The following PPP1R2 variants were observed in gnomAD, a reference collection of about 807,000 sequenced individuals.
The protein encoded by PPP1R2 is protein phosphatase inhibitor 2.
In PPP1R2, 16 loss-of-function variants were observed where a neutral mutation model predicts 29.9. The ratio of observed to expected loss-of-function variants is 0.53; its 90% confidence interval spans 0.36 to 0.81. The LOEUF is 0.81. Among genes scored for constraint, PPP1R2 ranks in the 30% least tolerant of loss-of-function variants. The pLI, the probability that PPP1R2 is intolerant of heterozygous loss-of-function variation, is 0.00. For synonymous variants in PPP1R2, 76 were observed against 91.5 expected (o/e 0.83, Z 0.96); for missense variants, 197 against 252.7 (o/e 0.78, Z 1.49).
chr3:195,530,315 C>G (rs1377597489), intron 1 of PPP1R2, among the ~76,000 whole-genome samples: 1 of 152,192 alleles, frequency 6.6e-6, no homozygotes, highest in East Asian at 1.9e-4. Flanking sequence ...GGCATAATTT[C>G]TTTCTGGGAT....
intron 1 of PPP1R2, among the ~76,000 whole-genome samples, chr3:195,541,301 C>G (rs981486620): frequency 6.6e-6 from 1 of 152,138 alleles, no homozygotes; most frequent in East Asian, 1.9e-4. Flanking sequence ...GAGTAACTCA[C>G]TTGGTAAATG....
intron 1 of PPP1R2, among the ~76,000 whole-genome samples, chr3:195,536,857 T>G (rs1719409399): frequency 6.8e-6 from 1 of 147,344 alleles, no homozygotes; most frequent in South Asian, 2.1e-4. Context: ...AAAAAAAGAA[T>G]GAGGAAAGAC....
chr3:195,531,192 A>G (rs1719167852), intron 1 of PPP1R2, among the ~76,000 whole-genome samples: 1 of 152,226 alleles, frequency 6.6e-6, no homozygotes, highest in Non-Finnish European at 1.5e-5. Context: ...AAGGTGCTCG[A>G]TAATTAAATG....
At chr3:195,523,948 C>G (rs1368749876) in intron 3 of PPP1R2, among the ~76,000 whole-genome samples, 162 bp from the exon 4 acceptor site, 4 of 152,114 alleles carry the variant, frequency 2.6e-5, no homozygotes, top group African/African-American at 9.7e-5. Context: ...ACGTGCCGGG[C>G]ATGGTGGTAC....
chr3:195,535,421 T>G (rs967228566), intron 1 of PPP1R2, among the ~76,000 whole-genome samples: 5 of 152,342 alleles, frequency 3.3e-5, no homozygotes, highest in African/African-American at 1.2e-4. Flanking sequence ...CTAAGAAAGC[T>G]GTCAAGTCTC....
Position 195,518,616 on chromosome 3 carries a change from A to G in PPP1R2, c.571+402T>C, listed in dbSNP as rs191577795. On this transcript the variant is annotated intron_variant, in intron 5 of 5. Transcript: ENST00000618156. ...CAGTGAGCCGAGATCACGCCACTGC[A>G]CTCCAGCCTGGGTGACAGAGCGAGA... Among the ~76,000 whole-genome samples the G allele has an allele frequency of 5.0e-3, 759 of 151,546 alleles. 5 individuals are homozygous for G. The highest frequency in any genetic ancestry group is 8.2e-3 in the Non-Finnish European group (557 of 67,922).
rs1026107867 is a variant in PPP1R2, at chr3:195,533,605, G to A, written c.123-3704C>T. ...AGAACGCTTGATGAGTACCTTAGAT[G>A]GAGCTCTGCAACTGCGGCTGCCCAT... On this transcript the variant is annotated intron_variant, in intron 1 of 5. Transcript: ENST00000618156. Among the ~76,000 whole-genome samples, 6 of 152,168 alleles carry A rather than the reference G, an allele frequency of 3.9e-5. No individual in the cohort carries two copies. In the East Asian group the frequency reaches 9.6e-4, roughly 24 times the overall value.
chr3:195,525,242 T>C (rs1156423757), intron 2 of PPP1R2, among the ~76,000 whole-genome samples: 1 of 152,200 alleles, frequency 6.6e-6, no homozygotes, highest in East Asian at 1.9e-4. Context: ...TTATCATTAT[T>C]CCCTAAATGA....
intron 1 of PPP1R2, among the ~76,000 whole-genome samples, chr3:195,534,259 G>C (rs1163472764): frequency 6.6e-6 from 1 of 152,144 alleles, no homozygotes; most frequent in African/African-American, 2.4e-5. Context: ...AGGAGGTCAA[G>C]GCTGCAGTGA....
intron 1 of PPP1R2, among the ~76,000 whole-genome samples, chr3:195,530,748 A>G (rs1467518458): frequency 6.7e-6 from 1 of 149,898 alleles, no homozygotes; most frequent in Non-Finnish European, 1.5e-5. Context: ...CTGGTCTTGA[A>G]CTCCTGATCT....
Position 195,514,996 on chromosome 3 carries a change from G to T in PPP1R2, c.*1900C>A. Reference sequence around the variant, plus strand: ...AGTCTTATCCTTTTCTTCACTCTATGACAGCTACTTCTACAAAAAAAAAAA... The same window carrying T: ...AGTCTTATCCTTTTCTTCACTCTATTACAGCTACTTCTACAAAAAAAAAAA... On this transcript the variant is annotated 3_prime_UTR_variant, in exon 6 of 6. Transcript: ENST00000618156. 4.9e-6 allele frequency: 1 copy of T among 204,796 alleles called. No individual in the cohort carries two copies. Among genetic ancestry groups the T allele is most frequent in the Non-Finnish European group, 9.8e-6 (1 of 102,324 alleles). The allele number at this position is 204,796 out of a possible 1,614,324, so 12.7% of individuals were successfully genotyped here.
chr3:195,525,421 C>T (rs1469278926), intron 2 of PPP1R2, among the ~76,000 whole-genome samples: 1 of 152,048 alleles, frequency 6.6e-6, no homozygotes, highest in East Asian at 1.9e-4. Flanking sequence ...GAGGGAGGTC[C>T]TGAAACCTCC....
At chr3:195,536,922 A>G (rs1049332977) in intron 1 of PPP1R2, among the ~76,000 whole-genome samples, 2 of 152,166 alleles carry the variant, frequency 1.3e-5, no homozygotes, top group Admixed American at 6.5e-5. Flanking sequence ...ACATCCTGTA[A>G]ATATTTTTTG....
At chr3:195,520,359 T>G (rs1242477125) in intron 4 of PPP1R2, among the ~76,000 whole-genome samples, 2 of 152,098 alleles carry the variant, frequency 1.3e-5, no homozygotes, top group East Asian at 3.9e-4. Context: ...ATGTCAAAAA[T>G]GCACAGAGGC....
At chr3:195,540,232 G>T (rs141935096) in intron 1 of PPP1R2, among the ~76,000 whole-genome samples, 1 of 152,164 alleles carries the variant, frequency 6.6e-6, no homozygotes, top group Non-Finnish European at 1.5e-5. Flanking sequence ...AGCCGAGGTA[G>T]CATGTTCCCA....
At chr3:195,539,917 AT>A (rs1194875424) in intron 1 of PPP1R2, among the ~76,000 whole-genome samples, 1 of 152,206 alleles carries the variant, frequency 6.6e-6, no homozygotes. Flanking sequence ...CCATATATGA[AT>A]TACAGACATA....
intron 2 of PPP1R2, among the ~76,000 whole-genome samples, chr3:195,526,395 G>A (rs1393333071): frequency 6.6e-6 from 1 of 151,964 alleles, no homozygotes; most frequent in Admixed American, 6.6e-5. Flanking sequence ...ACCATGGCTG[G>A]CCAAATGAAA....
chr3:195,518,934 T>TC, intron 5 of PPP1R2, 84 bp downstream of exon 5: 1 of 1,542,784 alleles, frequency 6.5e-7, no homozygotes, highest in Non-Finnish European at 8.7e-7. Context: ...TTCTGTTTTT[T>TC]CACAAGTTTA....
chr3:195,515,262 T>C lies in PPP1R2; in HGVS notation c.*1634A>G, dbSNP rs1213495979. On this transcript the variant is annotated 3_prime_UTR_variant, in exon 6 of 6. Transcript: ENST00000618156. Reference sequence around the variant, plus strand: ...ACTCACAGTTCAGCAGTACTTTGATTATATATCTCATTCAAAAAATCAAAA... The same window carrying C: ...ACTCACAGTTCAGCAGTACTTTGATCATATATCTCATTCAAAAAATCAAAA... The C allele has an allele frequency of 6.5e-6, 1 of 154,062 alleles. No homozygotes were observed. Among genetic ancestry groups the C allele is most frequent in the African/African-American group, 2.4e-5 (1 of 41,454 alleles). 9.5% of individuals were successfully genotyped at this position (154,062 alleles called of 1,614,324 possible).
Sources: gnomAD v4.1 joint callset for allele counts (sites outside exome capture counted in the v4.1 genomes callset) on GRCh38, gnomAD v4.1.1 for gene constraint, MANE v1.5 for transcripts, NCBI Gene and HGNC (gene_info 2026-07-23, HGNC 2026-07-21) for gene names.